Variants in FAAH2 observed in about 807,000 individuals in gnomAD.
FAAH2 encodes fatty acid amide hydrolase 2.
In FAAH2, 60 loss-of-function variants were observed where a neutral mutation model predicts 36.9. That is an observed-to-expected ratio of 1.63 (90% CI 1.32 to 2.02). FAAH2 has a LOEUF of 2.02. FAAH2 is among the 30% of genes most tolerant of loss of function. The pLI, the probability that FAAH2 is intolerant of heterozygous loss-of-function variation, is 0.00. For missense variants in FAAH2, 689 were observed against 397.5 expected, an observed-to-expected ratio of 1.73 and a Z score of -6.23; for synonymous variants, 214 against 143.8, an observed-to-expected ratio of 1.49 and a Z score of -3.49.
the FAAH2 span, among the ~76,000 whole-genome samples, chrX:57,155,662 C>T: frequency 8.9e-6 from 1 of 112,229 alleles, no homozygotes; most frequent in Non-Finnish European, 1.9e-5. Flanking sequence ...CAAGTTCTGG[C>T]CAGGAGACTT....
chrX:57,261,364 C>T, the FAAH2 span, among the ~76,000 whole-genome samples: 5 of 109,045 alleles, frequency 4.6e-5, no homozygotes, highest in African/African-American at 6.7e-5. Flanking sequence ...AACAGCCTGG[C>T]CATCATGGTG....
the FAAH2 span, chrX:57,137,062 C>G: frequency 1.2e-6 from 1 of 813,224 alleles, no homozygotes; most frequent in Non-Finnish European, 1.5e-6. Flanking sequence ...AAATCCTTGT[C>G]TGGCTCCTAT....
chrX:57,489,115 A>G lies in FAAH2; in HGVS notation c.*183A>G, dbSNP rs1280342677. The G allele has an allele frequency of 2.1e-6, 1 of 465,860 alleles. No homozygotes were observed. Among genetic ancestry groups the G allele is most frequent in the African/African-American group, 2.5e-5 (1 of 40,150 alleles). 38.4% of individuals were successfully genotyped at this position (465,860 alleles called of 1,213,427 possible). ...AACTGTTGGTCTTACTAAAATGGTA[A>G]TATTTGCTTCTTGCTTTTATGTTAC... On this transcript the variant is annotated 3_prime_UTR_variant, in exon 11 of 11. Coordinates refer to ENST00000374900, the MANE Select transcript of FAAH2 (RefSeq NM_174912.4).
the FAAH2 span, among the ~76,000 whole-genome samples, chrX:57,244,850 TA>T: frequency 1.8e-5 from 2 of 111,139 alleles, no homozygotes; most frequent in African/African-American, 6.6e-5. Flanking sequence ...GCAAGCATCA[TA>T]ATGACAGGTT....
intron 7 of FAAH2, among the ~76,000 whole-genome samples, chrX:57,427,631 A>T (rs1381185764): frequency 8.9e-6 from 1 of 112,017 alleles, no homozygotes; most frequent in Non-Finnish European, 1.9e-5. Flanking sequence ...AATTCACCAC[A>T]TAAACAGAAT....
intron 7 of FAAH2, among the ~76,000 whole-genome samples, chrX:57,420,601 C>T (rs775621980): frequency 1.8e-5 from 2 of 109,960 alleles, no homozygotes; most frequent in Non-Finnish European, 3.8e-5. Context: ...AGTTGCTTAT[C>T]AGCTTAAGGA....
the FAAH2 span, among the ~76,000 whole-genome samples, chrX:57,249,469 C>T: frequency 8.9e-6 from 1 of 111,985 alleles, no homozygotes; most frequent in South Asian, 3.7e-4. Flanking sequence ...CTTCCAGGCC[C>T]CAGACCCTAG....
At chrX:57,398,743 T>A (rs746502515) in intron 7 of FAAH2, among the ~76,000 whole-genome samples, 1 of 111,479 alleles carries the variant, frequency 9.0e-6, no homozygotes, top group East Asian at 2.8e-4. Flanking sequence ...AATTAGCATT[T>A]TAGTGAGCTC....
chrX:57,307,159 A>G (rs771006149), intron 2 of FAAH2, among the ~76,000 whole-genome samples: 41 of 103,722 alleles, frequency 4.0e-4, no homozygotes, highest in African/African-American at 1.3e-3. Flanking sequence ...AGAATGAGCC[A>G]TGTTTTCTCA....
intron 2 of FAAH2, among the ~76,000 whole-genome samples, chrX:57,301,703 A>G (rs930394734): frequency 7.2e-5 from 8 of 110,910 alleles, no homozygotes; most frequent in African/African-American, 2.0e-4. Context: ...TACTTGTTTC[A>G]GGGCTGAGAG....
chrX:57,274,221 A>C, the FAAH2 span, among the ~76,000 whole-genome samples: 24 of 112,185 alleles, frequency 2.1e-4, no homozygotes, highest in Non-Finnish European at 4.5e-4. Flanking sequence ...AAGAAGTTGA[A>C]TCCCTGAATA....
chrX:57,369,363 C>G (rs1042714150), intron 5 of FAAH2, among the ~76,000 whole-genome samples: 6 of 110,801 alleles, frequency 5.4e-5, no homozygotes. Context: ...ATGTGGATAT[C>G]CAGATCCATG....
At chrX:57,295,859 C>T (rs1332109253) in intron 2 of FAAH2, among the ~76,000 whole-genome samples, 2 of 112,481 alleles carry the variant, frequency 1.8e-5, no homozygotes, top group African/African-American at 6.5e-5. Flanking sequence ...TCACTCATTG[C>T]TAGGACAGCA....
chrX:57,451,342 C>A (rs189168856), intron 10 of FAAH2, among the ~76,000 whole-genome samples: 2 of 112,007 alleles, frequency 1.8e-5, no homozygotes, highest in Non-Finnish European at 3.8e-5. Context: ...CCTTCTCCTA[C>A]TTTGCTCCAT....
intron 7 of FAAH2, among the ~76,000 whole-genome samples, chrX:57,414,327 C>T (rs1348868086): frequency 9.0e-6 from 1 of 110,936 alleles, no homozygotes; most frequent in Non-Finnish European, 1.9e-5. Flanking sequence ...GCTTTTGCCT[C>T]GTCAGTATGA....
upstream of FAAH2, among the ~76,000 whole-genome samples, chrX:57,284,258 C>T (rs1317829345): frequency 1.8e-5 from 2 of 111,439 alleles, no homozygotes; most frequent in African/African-American, 6.5e-5. Flanking sequence ...CTTATAATAC[C>T]AGCTACTTGG....
chrX:57,228,642 T>C, the FAAH2 span, among the ~76,000 whole-genome samples: 1 of 111,374 alleles, frequency 9.0e-6, no homozygotes, highest in African/African-American at 3.3e-5. Flanking sequence ...GGAGCTGCAA[T>C]CTAGTCCTAC....
chrX:57,266,344 A>G, the FAAH2 span, among the ~76,000 whole-genome samples: 1 of 111,545 alleles, frequency 9.0e-6, no homozygotes, highest in Non-Finnish European at 1.9e-5. Context: ...ACTGGAGTGG[A>G]TGCTCAGCAT....
chrX:57,325,168 C>G (rs191296202), intron 3 of FAAH2, among the ~76,000 whole-genome samples: 1 of 112,016 alleles, frequency 8.9e-6, no homozygotes, highest in East Asian at 2.8e-4. Context: ...TTGAAGCAGC[C>G]TTGCATCCCA....
Sources: gnomAD v4.1 joint callset for allele counts (sites outside exome capture counted in the v4.1 genomes callset) on GRCh38, gnomAD v4.1.1 for gene constraint, MANE v1.5 for transcripts, NCBI Gene and HGNC (gene_info 2026-07-23, HGNC 2026-07-21) for gene names.